The following ZEB1 variants were observed in gnomAD, a reference collection of about 807,000 sequenced individuals.
ZEB1 encodes zinc finger E-box binding homeobox 1.
A neutral mutation model predicts 84.9 loss-of-function variants in ZEB1; 21 were observed. That is an observed-to-expected ratio of 0.25 (90% confidence interval 0.18 to 0.36). ZEB1 has a LOEUF of 0.36. ZEB1 is among the 10% of genes least tolerant of loss of function. The pLI is 1.00. For missense variants in ZEB1, 1,104 were observed against 1,330.2 expected, an observed-to-expected ratio of 0.83 and a Z score of 2.65; for synonymous variants, 420 against 471.1, an observed-to-expected ratio of 0.89 and a Z score of 1.41.
At chr10:31,454,279 T>C (rs1403271692) in intron 1 of ZEB1, among the ~76,000 whole-genome samples, 1 of 152,152 alleles carries the variant, frequency 6.6e-6, no homozygotes, top group Non-Finnish European at 1.5e-5. Flanking sequence ...ATAAAAGCTA[T>C]TTATGACAAA....
intron 5 of ZEB1, among the ~76,000 whole-genome samples, chr10:31,513,292 G>A (rs1419300125): frequency 6.6e-6 from 1 of 152,146 alleles, no homozygotes; most frequent in Non-Finnish European, 1.5e-5. Flanking sequence ...TAACTCCAAA[G>A]TTTAAGGCCT....
chr10:31,370,211 A>G (rs990378893), intron 1 of ZEB1, among the ~76,000 whole-genome samples: 2 of 152,174 alleles, frequency 1.3e-5, no homozygotes, highest in African/African-American at 4.8e-5. Context: ...GGGATGAGTT[A>G]TGTCACCTGA....
At chr10:31,331,237 C>T (rs1170735899) in intron 1 of ZEB1, among the ~76,000 whole-genome samples, 1 of 151,626 alleles carries the variant, frequency 6.6e-6, no homozygotes, top group Non-Finnish European at 1.5e-5. Flanking sequence ...CAGGCGCGTG[C>T]CACCATGCCC....
chr10:31,511,170 A>G (rs1453167827), intron 5 of ZEB1, among the ~76,000 whole-genome samples: 3 of 152,220 alleles, frequency 2.0e-5, no homozygotes. Context: ...CTTCAAGTTT[A>G]GAAGATGTTA....
At chr10:31,380,659 C>T (rs1054126885) in intron 1 of ZEB1, among the ~76,000 whole-genome samples, 1 of 152,082 alleles carries the variant, frequency 6.6e-6, no homozygotes, top group African/African-American at 2.4e-5. Flanking sequence ...GAAGAAGTTT[C>T]CTTCATAAAT....
chr10:31,361,589 TC>T (rs1230317185), intron 1 of ZEB1, among the ~76,000 whole-genome samples: 2 of 152,090 alleles, frequency 1.3e-5, no homozygotes, highest in Non-Finnish European at 2.9e-5. Context: ...ACTCCTCACT[TC>T]CCAGACGGTG....
chr10:31,474,644 T>A (rs962734553), intron 2 of ZEB1, among the ~76,000 whole-genome samples: 1 of 152,150 alleles, frequency 6.6e-6, no homozygotes, highest in African/African-American at 2.4e-5. Flanking sequence ...ATTGTGGAAG[T>A]CAGTGCGGCG....
At position 31,526,981 on chromosome 10, in the gene ZEB1, A is replaced by C; in HGVS notation, c.3095A>C (p.Glu1032Ala). 1 of 1,612,290 alleles carries C rather than the reference A, an allele frequency of 6.2e-7. No individual in the cohort carries two copies. Residue 1032 changes from glutamate (E) to alanine (A), a missense_variant, in exon 9 of 9, where the codon GAA (glutamate) becomes GCA (alanine). Physicochemically the swap from Glu to Ala is moderately radical, Grantham distance 107 (BLOSUM62 -1). Coordinates refer to ENST00000424869, the MANE Select transcript of ZEB1 (RefSeq NM_001174096.2). ...GACGAGAGAGAGAGTTTGACAAGGG[A>C]AGAGGATGAAGACAGTGAAAAAGAG... Reference protein sequence around the residue: ...DSDERESLTREEDEDSEKEEE... With the variant: ...DSDERESLTRAEDEDSEKEEE...
intron 1 of ZEB1, among the ~76,000 whole-genome samples, chr10:31,326,846 T>C (rs772366373): frequency 9.2e-5 from 14 of 152,224 alleles, no homozygotes; most frequent in Non-Finnish European, 1.3e-4. Flanking sequence ...ACTTAAAATA[T>C]TTCAGATGCA....
At chr10:31,464,583 A>ATCT (rs2062171738) in intron 2 of ZEB1, among the ~76,000 whole-genome samples, 1 of 152,180 alleles carries the variant, frequency 6.6e-6, no homozygotes, top group Non-Finnish European at 1.5e-5. Flanking sequence ...ACATAAAAAG[A>ATCT]TCTTCACTAA....
intron 2 of ZEB1, among the ~76,000 whole-genome samples, chr10:31,465,448 C>T (rs60950518): frequency 0.11 from 16,852 of 150,190 alleles, 2,546 homozygotes; most frequent in African/African-American, 0.34. Context: ...ATAAACCATG[C>T]GATTGCAAAA....
chr10:31,414,435 T>C (rs952057754), intron 1 of ZEB1, among the ~76,000 whole-genome samples: 4 of 152,238 alleles, frequency 2.6e-5, no homozygotes, highest in African/African-American at 9.6e-5. Flanking sequence ...TTTAGTTGTT[T>C]TGTTAAAAGG....
At chr10:31,407,254 C>A (rs1374165741) in intron 1 of ZEB1, among the ~76,000 whole-genome samples, 3 of 117,514 alleles carry the variant, frequency 2.6e-5, no homozygotes, top group East Asian at 5.8e-4. Context: ...CCTCCCCCCA[C>A]CCCACCACAG....
intron 1 of ZEB1, among the ~76,000 whole-genome samples, chr10:31,447,554 G>T (rs7912126): frequency 1.6e-5 from 2 of 127,816 alleles, no homozygotes; most frequent in African/African-American, 6.0e-5. Flanking sequence ...GGCTGGTACC[G>T]GTTGTTCCTT....
chr10:31,465,750 A>T (rs962151531), intron 2 of ZEB1, among the ~76,000 whole-genome samples: 24 of 151,920 alleles, frequency 1.6e-4, no homozygotes, highest in African/African-American at 5.8e-4. Flanking sequence ...AGTAGCTAGG[A>T]CTACAGGCAT....
intron 1 of ZEB1, among the ~76,000 whole-genome samples, chr10:31,343,739 T>C (rs542833503): frequency 1.3e-5 from 2 of 152,234 alleles, no homozygotes; most frequent in African/African-American, 4.8e-5. Context: ...CTCTCTATTC[T>C]CTGCCCGCTT....
At chr10:31,425,443 C>T (rs536852050) in intron 1 of ZEB1, among the ~76,000 whole-genome samples, 1 of 152,050 alleles carries the variant, frequency 6.6e-6, no homozygotes, top group Admixed American at 6.5e-5. Flanking sequence ...CTAAAAAGAA[C>T]GTGGTTGGGA....
In ZEB1 at chr10:31,517,502, A is replaced by T. The variant is rs892291974; in HGVS notation, c.794-2624A>T. On this transcript the variant is annotated intron_variant, in intron 6 of 8. Coordinates refer to ENST00000424869, the MANE Select transcript of ZEB1 (RefSeq NM_001174096.2). ...AGCCAAACACCCACCTTAGCCATTA[A>T]AAAAAAAAAAAAGTCAGTATACATA... 3.7e-5 allele frequency among the ~76,000 whole-genome samples: 4 copies of T among 108,068 alleles called. No individual in the cohort carries two copies. In the African/African-American group the frequency reaches 4.4e-4, roughly 12 times the overall value. 70.9% of individuals were successfully genotyped at this position (108,068 alleles called of 152,430 possible).
At chr10:31,471,369 A>G (rs2063215308) in intron 2 of ZEB1, among the ~76,000 whole-genome samples, 1 of 149,326 alleles carries the variant, frequency 6.7e-6, no homozygotes, top group Non-Finnish European at 1.5e-5. Context: ...ATGGAGGAAG[A>G]TCTACCAAGC....
Sources: allele counts gnomAD v4.1 joint callset (sites outside exome capture counted in the v4.1 genomes callset), GRCh38; gene constraint gnomAD v4.1.1; transcripts MANE v1.5; gene names NCBI Gene and HGNC (gene_info 2026-07-23, HGNC 2026-07-21).